Variants in LMBR1 observed in about 807,000 individuals in gnomAD.
LMBR1 encodes limb region 1 protein homolog.
In LMBR1, 52 loss-of-function variants were observed where a neutral mutation model predicts 73.9. The ratio of observed to expected loss-of-function variants is 0.70; its 90% CI spans 0.56 to 0.89. LMBR1 has a LOEUF of 0.89. LMBR1 is among the 40% of genes least tolerant of loss of function. The probability of loss-of-function intolerance (pLI) is 0.00; values close to 1 mark genes in which losing one functional copy is unlikely to be tolerated. For missense variants in LMBR1, 539 were observed against 579.8 expected (o/e 0.93, Z 0.72); for synonymous variants, 215 against 209.4 (o/e 1.03, Z -0.23).
chr7:156,738,136 G>A (rs529761246), intron 9 of LMBR1, among the ~76,000 whole-genome samples: 16 of 152,236 alleles, frequency 1.1e-4, no homozygotes, highest in Non-Finnish European at 1.5e-4. Context: ...CCCCAGCAGC[G>A]GCCGTGTAGT....
chr7:156,684,424 CCTT>C (rs1805587248), intron 16 of LMBR1, among the ~76,000 whole-genome samples: 1 of 152,110 alleles, frequency 6.6e-6, no homozygotes, highest in South Asian at 2.1e-4. Flanking sequence ...AGAGCCTGTC[CCTT>C]CTTCTCAGTT....
intron 5 of LMBR1, among the ~76,000 whole-genome samples, chr7:156,772,611 G>A (rs1450639310): frequency 2.0e-5 from 3 of 152,102 alleles, no homozygotes; most frequent in Non-Finnish European, 4.4e-5. Context: ...ACTTTGGGAG[G>A]CCGAGCTGGG....
intron 15 of LMBR1, among the ~76,000 whole-genome samples, chr7:156,704,575 A>G (rs1274227104): frequency 1.3e-5 from 2 of 151,228 alleles, no homozygotes; most frequent in East Asian, 1.9e-4. Context: ...AAGGAAAACA[A>G]TAATTCTCCA....
At chr7:156,774,600 G>C (rs34729055) in intron 5 of LMBR1, among the ~76,000 whole-genome samples, 6 of 152,198 alleles carry the variant, frequency 3.9e-5, no homozygotes. Context: ...GGGAGGCTGA[G>C]GTGGGCAGAT....
intron 1 of LMBR1, among the ~76,000 whole-genome samples, chr7:156,839,418 C>T (rs947090552): frequency 2.6e-5 from 4 of 151,614 alleles, no homozygotes; most frequent in Admixed American, 6.6e-5. Flanking sequence ...AATGCCAGAC[C>T]GACAAAAAAG....
chr7:156,888,827 G>A lies in LMBR1; in HGVS notation c.66+4101C>T, dbSNP rs570778438. ...CCCAGCACTTTGGGAGGCTGAGGCA[G>A]GTGGATCACCTGGGGTCAGGAGTTC... is the stretch of plus-strand genomic sequence containing the variant. On this transcript the variant is annotated intron_variant, in intron 1 of 16. Coordinates refer to ENST00000353442, the MANE Select transcript of LMBR1 (RefSeq NM_022458.4). Among the ~76,000 whole-genome samples, 7 of 152,310 alleles carry A rather than the reference G, an allele frequency of 4.6e-5. No homozygotes were observed. In the South Asian group the frequency reaches 1.2e-3, roughly 27 times the overall value.
chr7:156,855,961 C>G (rs981880153), intron 1 of LMBR1, among the ~76,000 whole-genome samples: 1 of 152,084 alleles, frequency 6.6e-6, no homozygotes, highest in Non-Finnish European at 1.5e-5. Flanking sequence ...TTTGGGAGGC[C>G]GAGGCGGGCA....
At chr7:156,886,402 C>T (rs1185879575) in intron 1 of LMBR1, among the ~76,000 whole-genome samples, 3 of 152,214 alleles carry the variant, frequency 2.0e-5, no homozygotes, top group Non-Finnish European at 4.4e-5. Flanking sequence ...ATGTTACATA[C>T]TTATCCATAT....
At chr7:156,761,360 C>A (rs374027182) in intron 8 of LMBR1, among the ~76,000 whole-genome samples, 4 of 152,126 alleles carry the variant, frequency 2.6e-5, no homozygotes, top group African/African-American at 9.7e-5. Flanking sequence ...TTACAATCAA[C>A]TGAAAATCAT....
intron 4 of LMBR1, among the ~76,000 whole-genome samples, chr7:156,818,492 G>T (rs1327746994): frequency 6.6e-6 from 1 of 151,978 alleles, no homozygotes; most frequent in Non-Finnish European, 1.5e-5. Flanking sequence ...ATTATTTCCT[G>T]GTTTTATTTA....
In LMBR1 at chr7:156,893,077, C is replaced by A. The variant is rs1803471174; in HGVS notation, c.-84G>T. 10 of 1,297,762 alleles carry A rather than the reference C, an allele frequency of 7.7e-6. No homozygotes were observed. The highest frequency in any genetic ancestry group is 4.2e-5 in the Admixed American group (1 of 24,082). 80.4% of individuals were successfully genotyped at this position (1,297,762 alleles called of 1,614,324 possible). A position where few individuals can be genotyped will look rare whatever the true frequency, so the allele number is the denominator to read the frequency against. On this transcript the variant is annotated 5_prime_UTR_variant, in exon 1 of 17. Coordinates refer to ENST00000353442, the MANE Select transcript of LMBR1 (RefSeq NM_022458.4). ...CGCCCGCCGCAGGGGCTCGGACAGC[C>A]GCGCCGGGGACCGGAGCCGGCACGG... is the stretch of plus-strand genomic sequence containing the variant.
chr7:156,762,847 G>GTGTGTT (rs1491181387), intron 7 of LMBR1, among the ~76,000 whole-genome samples: 3 of 31,862 alleles, frequency 9.4e-5, no homozygotes, highest in African/African-American at 3.7e-4. Flanking sequence ...GTGAGTGTGA[G>GTGTGTT]TGTGTGTGTG....
At chr7:156,889,682 G>A (rs73167968) in intron 1 of LMBR1, among the ~76,000 whole-genome samples, 5,968 of 152,138 alleles carry the variant, frequency 0.039, 166 homozygotes, top group Non-Finnish European at 0.049. Flanking sequence ...GGGAGTAGAC[G>A]AAGCTCTGGA....
Position 156,685,255 on chromosome 7 carries a change from G to A in LMBR1, c.1388-1092C>T, listed in dbSNP as rs1805752659. Among the ~76,000 whole-genome samples the A allele has an allele frequency of 6.6e-6, 1 of 152,210 alleles. No individual in the cohort carries two copies. Among genetic ancestry groups the A allele is most frequent in the African/African-American group, 2.4e-5 (1 of 41,454 alleles). On this transcript the variant is annotated intron_variant, in intron 16 of 16. Transcript: ENST00000353442. This position sits in a 1 kb window ranked among gnomAD's most constrained non-coding sequence, Gnocchi z 4.1. Reference sequence around the variant, plus strand: ...CAGACCAACATTGCCCTCTCACAGGGAGAAAGGGCAGAAGAAAATGTAAGA... The same window carrying A: ...CAGACCAACATTGCCCTCTCACAGGAAGAAAGGGCAGAAGAAAATGTAAGA...
intron 1 of LMBR1, among the ~76,000 whole-genome samples, chr7:156,864,980 C>G (rs61014763): frequency 2.8e-5 from 4 of 145,072 alleles, no homozygotes; most frequent in Non-Finnish European, 6.0e-5. Flanking sequence ...TGGGTGACAG[C>G]GCGAGACTCT....
At chr7:156,825,531 C>A (rs898654180) in intron 4 of LMBR1, among the ~76,000 whole-genome samples, 2 of 151,972 alleles carry the variant, frequency 1.3e-5, no homozygotes, top group South Asian at 2.1e-4. Context: ...AATATATACA[C>A]CAACTATGTA....
chr7:156,854,360 A>G (rs1423696576), intron 1 of LMBR1, among the ~76,000 whole-genome samples: 3 of 152,060 alleles, frequency 2.0e-5, no homozygotes. Flanking sequence ...CTCAGGGGGG[A>G]CTCCCACACT....
intron 1 of LMBR1, among the ~76,000 whole-genome samples, chr7:156,866,524 CT>C (rs1366089738): frequency 6.6e-6 from 1 of 150,966 alleles, no homozygotes; most frequent in Non-Finnish European, 1.5e-5. Flanking sequence ...GCAATAAACC[CT>C]GTTACAGATG....
chr7:156,871,268 C>T (rs1799247888), intron 1 of LMBR1, among the ~76,000 whole-genome samples: 1 of 152,106 alleles, frequency 6.6e-6, no homozygotes, highest in South Asian at 2.1e-4. Flanking sequence ...CTGAACAAAC[C>T]TATAAGAAGT....
Sources: allele counts gnomAD v4.1 joint callset (sites outside exome capture counted in the v4.1 genomes callset), GRCh38; gene constraint gnomAD v4.1.1; non-coding constraint Gnocchi (gnomAD v3.1); transcripts MANE v1.5; gene names NCBI Gene and HGNC (gene_info 2026-07-23, HGNC 2026-07-21).